Variants in SVEP1 observed in about 807,000 individuals in gnomAD.
SVEP1 encodes sushi, von Willebrand factor type A, EGF and pentraxin domain containing 1.
In SVEP1, 164 loss-of-function variants were observed where a neutral mutation model predicts 367.3. That is an observed-to-expected ratio of 0.45 (90% CI 0.39 to 0.51). The LOEUF is 0.51. Among genes scored for constraint, SVEP1 ranks in the 20% least tolerant of loss-of-function variants. The pLI, the probability that SVEP1 is intolerant of heterozygous loss-of-function variation, is 0.00. For missense variants in SVEP1, 4,117 were observed against 4,425.3 expected, an observed-to-expected ratio of 0.93 and a Z score of 1.98; for synonymous variants, 1,666 against 1,611.6, an observed-to-expected ratio of 1.03 and a Z score of -0.81.
At chr9:110,400,551 G>A (rs1827842057) in intron 40 of SVEP1, among the ~76,000 whole-genome samples, 1 of 152,026 alleles carries the variant, frequency 6.6e-6, no homozygotes, top group Non-Finnish European at 1.5e-5. Flanking sequence ...ATTTTTAGTA[G>A]AGACGGGGTT....
intron 25 of SVEP1, 49 bp from the exon 26 acceptor site, chr9:110,446,087 T>A: frequency 6.6e-7 from 1 of 1,522,946 alleles, no homozygotes; most frequent in Non-Finnish European, 8.9e-7. Context: ...GAAAGACATT[T>A]CCAATTGTCA....
chr9:110,500,198 G>C (rs1320265309), intron 6 of SVEP1, among the ~76,000 whole-genome samples: 1 of 151,982 alleles, frequency 6.6e-6, no homozygotes, highest in African/African-American at 2.4e-5. Flanking sequence ...CCAAGAAATG[G>C]TTTGTCTCTT....
intron 1 of SVEP1, among the ~76,000 whole-genome samples, chr9:110,577,280 G>T (rs1448736925): frequency 6.6e-6 from 1 of 152,040 alleles, no homozygotes. Flanking sequence ...TTTTGGCAAT[G>T]ATACAAATGA....
intron 43 of SVEP1, among the ~76,000 whole-genome samples, chr9:110,383,464 A>G (rs1350408747): frequency 6.7e-6 from 1 of 148,496 alleles, no homozygotes; most frequent in Non-Finnish European, 1.5e-5. Context: ...GCTCTGTCCC[A>G]GAGGGGCACT....
intron 17 of SVEP1, 108 bp downstream of exon 17, chr9:110,468,832 G>T: frequency 9.3e-7 from 1 of 1,075,426 alleles, no homozygotes; most frequent in Non-Finnish European, 1.3e-6. Context: ...TGCCACAGGG[G>T]CCTCAGACAA....
At chr9:110,392,324 C>T (rs918978869) in intron 40 of SVEP1, among the ~76,000 whole-genome samples, 18 of 151,908 alleles carry the variant, frequency 1.2e-4, no homozygotes, top group African/African-American at 3.9e-4. Flanking sequence ...TATCTGTTCC[C>T]ACAGATAGAA....
At chr9:110,524,258 T>C (rs934320104) in intron 3 of SVEP1, among the ~76,000 whole-genome samples, 5 of 152,108 alleles carry the variant, frequency 3.3e-5, no homozygotes, top group Admixed American at 3.3e-4. Flanking sequence ...CACTTCTACA[T>C]AATTTCTTCC....
chr9:110,392,958 G>A (rs564224813), intron 40 of SVEP1, among the ~76,000 whole-genome samples: 7 of 152,214 alleles, frequency 4.6e-5, no homozygotes, highest in African/African-American at 1.7e-4. Context: ...TCTTGTCCGA[G>A]ACCTGGAGTT....
At chr9:110,520,365 T>A (rs1292360265) in intron 3 of SVEP1, among the ~76,000 whole-genome samples, 1 of 152,226 alleles carries the variant, frequency 6.6e-6, no homozygotes, top group Non-Finnish European at 1.5e-5. Context: ...CGTAAAGGGC[T>A]ATGAATTGTT....
chr9:110,565,193 TATG>T (rs1830476466), intron 1 of SVEP1, among the ~76,000 whole-genome samples: 1 of 152,196 alleles, frequency 6.6e-6, no homozygotes, highest in African/African-American at 2.4e-5. Context: ...ATAGGAATGT[TATG>T]ATGCAGGGGA....
At chr9:110,532,700 C>G (rs976632676) in intron 3 of SVEP1, among the ~76,000 whole-genome samples, 5 of 152,108 alleles carry the variant, frequency 3.3e-5, no homozygotes, top group African/African-American at 1.2e-4. Flanking sequence ...AACAGGGTTT[C>G]TTAACGTCAA....
chr9:110,470,906 C>A (rs1430665558), intron 16 of SVEP1, among the ~76,000 whole-genome samples: 1 of 152,012 alleles, frequency 6.6e-6, no homozygotes, highest in African/African-American at 2.4e-5. Context: ...TTAGGTATAT[C>A]TCCTAATGCT....
chr9:110,505,464 C>T lies in SVEP1; in HGVS notation c.1304-2247G>A, dbSNP rs188332988. On this transcript the variant is annotated intron_variant, in intron 5 of 47. Transcript: ENST00000374469. ...TAGAATAACGATGGTTTCAGTTAAT[C>T]CCCTCATATCCTAAACTTCCTTTTG... is the stretch of plus-strand genomic sequence containing the variant. 4.6e-5 allele frequency among the ~76,000 whole-genome samples: 7 copies of T among 152,220 alleles called. No individual in the cohort carries two copies. In the South Asian group the frequency reaches 1.5e-3, roughly 32 times the overall value.
chr9:110,431,746 C>A (rs1379067652), intron 32 of SVEP1, among the ~76,000 whole-genome samples, 169 bp downstream of exon 32: 1 of 152,154 alleles, frequency 6.6e-6, no homozygotes, highest in Non-Finnish European at 1.5e-5. Context: ...CTTTAAAGCA[C>A]TTTTAGTTGT....
At chr9:110,530,286 A>G (rs1316916126) in intron 3 of SVEP1, among the ~76,000 whole-genome samples, 1 of 152,162 alleles carries the variant, frequency 6.6e-6, no homozygotes, top group Non-Finnish European at 1.5e-5. Context: ...TTTTGCATCT[A>G]TGTTCATCAG....
rs56077443 is a variant in SVEP1, at chr9:110,572,789, C to CAAAAAAAAAAAAAAAAAAAAA, written c.531+6203_531+6223dup. ...AGAGGGTGACCCTCTCTCTCTCTCA[C>CAAAAAAAAAAAAAAAAAAAAA]AAAAAAAAAAAAAAAAAAAAAAAAA... On this transcript the variant is annotated intron_variant, in intron 1 of 47. Coordinates refer to ENST00000374469, the MANE Select transcript of SVEP1 (RefSeq NM_153366.4). Among the ~76,000 whole-genome samples the CAAAAAAAAAAAAAAAAAAAAA allele has an allele frequency of 1.2e-4, 9 of 76,518 alleles. 1 individual carries two copies. The highest frequency in any genetic ancestry group is 2.0e-4 in the Non-Finnish European group (8 of 40,364). The allele number at this position is 76,518 out of a possible 152,430, so 50.2% of individuals were successfully genotyped here. A position where few individuals can be genotyped will look rare whatever the true frequency, so the allele number is the denominator to read the frequency against.
chr9:110,443,788 G>A, intron 26 of SVEP1, 68 bp from the exon 27 acceptor site: 1 of 1,325,454 alleles, frequency 7.5e-7, no homozygotes, highest in Non-Finnish European at 9.9e-7. Context: ...TGTGGGGCAT[G>A]CTACAATTTT....
chr9:110,525,117 A>G (rs965156893), intron 3 of SVEP1, among the ~76,000 whole-genome samples: 1 of 152,200 alleles, frequency 6.6e-6, no homozygotes, highest in African/African-American at 2.4e-5. Context: ...AGGGAAGAAA[A>G]TGAAATAAAA....
chr9:110,511,085 T>C (rs1829703752), intron 5 of SVEP1, among the ~76,000 whole-genome samples: 1 of 152,220 alleles, frequency 6.6e-6, no homozygotes, highest in Admixed American at 6.5e-5. Context: ...TGGTAGGTAG[T>C]GTTGTTTCTA....
Sources: gnomAD v4.1 joint callset for allele counts (sites outside exome capture counted in the v4.1 genomes callset) on GRCh38, gnomAD v4.1.1 for gene constraint, MANE v1.5 for transcripts, NCBI Gene and HGNC (gene_info 2026-07-23, HGNC 2026-07-21) for gene names.